The following EPB41L5 variants were observed in gnomAD, a reference collection of about 807,000 sequenced individuals.
The protein encoded by EPB41L5 is erythrocyte membrane protein band 4.1 like 5.
Under a neutral mutation model 106.6 loss-of-function variants are expected in EPB41L5, and 55 were observed. The ratio of observed to expected loss-of-function variants is 0.52; its 90% confidence interval spans 0.42 to 0.65. EPB41L5 has a LOEUF of 0.65. Among genes scored for constraint, EPB41L5 ranks in the 30% least tolerant of loss-of-function variants. The pLI is 0.00. For missense variants in EPB41L5, 871 were observed against 882.1 expected (o/e 0.99, Z 0.16); for synonymous variants, 297 against 306.7 (o/e 0.97, Z 0.33).
chr2:120,155,891 G>T (rs1409853503), intron 20 of EPB41L5, among the ~76,000 whole-genome samples: 1 of 152,088 alleles, frequency 6.6e-6, no homozygotes, highest in Non-Finnish European at 1.5e-5. Flanking sequence ...GACTCCAAGG[G>T]GATGAGTGAA....
chr2:120,061,802 A>G (rs550514608), intron 3 of EPB41L5, among the ~76,000 whole-genome samples: 3 of 152,334 alleles, frequency 2.0e-5, no homozygotes, highest in Admixed American at 2.0e-4. Flanking sequence ...GAATTTTAAG[A>G]TGTCAGTATT....
intron 2 of EPB41L5, among the ~76,000 whole-genome samples, chr2:120,039,178 G>A (rs1281411200): frequency 2.6e-5 from 4 of 152,108 alleles, no homozygotes; most frequent in Non-Finnish European, 5.9e-5. Flanking sequence ...GAAACAAGAG[G>A]ACAAATACTG....
intron 10 of EPB41L5, among the ~76,000 whole-genome samples, chr2:120,081,055 A>G (rs1328879252): frequency 6.6e-6 from 1 of 151,816 alleles, no homozygotes; most frequent in Non-Finnish European, 1.5e-5. Flanking sequence ...CTCATTCTGT[A>G]GGTTGCCTGT....
intron 20 of EPB41L5, among the ~76,000 whole-genome samples, chr2:120,158,843 T>C (rs1022407909): frequency 1.3e-5 from 2 of 152,164 alleles, no homozygotes; most frequent in Non-Finnish European, 1.5e-5. Context: ...GAAAACCCCA[T>C]AGTCTCAGCC....
chr2:120,114,443 T>C (rs552035345), intron 16 of EPB41L5, among the ~76,000 whole-genome samples: 2 of 152,348 alleles, frequency 1.3e-5, no homozygotes, highest in Admixed American at 6.5e-5. Context: ...TTTGTCAAAC[T>C]GCAGGCTAAT....
intron 3 of EPB41L5, among the ~76,000 whole-genome samples, chr2:120,050,690 G>A (rs1249444672): frequency 6.6e-5 from 10 of 152,194 alleles, no homozygotes; most frequent in East Asian, 3.9e-4. Context: ...GCTTTGTTCC[G>A]TTTGTGGCGA....
At chr2:120,016,446 A>G (rs1249217578) in intron 1 of EPB41L5, among the ~76,000 whole-genome samples, 3 of 152,058 alleles carry the variant, frequency 2.0e-5, no homozygotes, top group Admixed American at 6.6e-5. Flanking sequence ...AAAAGAATTA[A>G]AAAAATATTA....
intron 16 of EPB41L5, among the ~76,000 whole-genome samples, chr2:120,126,243 T>TC (rs1470474051): frequency 3.4e-4 from 51 of 152,128 alleles, no homozygotes; most frequent in African/African-American, 8.4e-4. Context: ...TGCAAAAATT[T>TC]CCCCCCCAAT....
chr2:120,024,633 T>C lies in EPB41L5; in HGVS notation c.180+5369T>C, dbSNP rs1320952745. On this transcript the variant is annotated intron_variant, in intron 2 of 24. Coordinates refer to ENST00000263713, the MANE Select transcript of EPB41L5 (RefSeq NM_020909.4). Reference sequence around the variant, plus strand: ...CACCACACCCGGCTAATTCTGTTTTTGTATTTTAGTAGAGATGGGGTTTCA... The same window carrying C: ...CACCACACCCGGCTAATTCTGTTTTCGTATTTTAGTAGAGATGGGGTTTCA... Among the ~76,000 whole-genome samples, 16 of 152,110 alleles carry C rather than the reference T, an allele frequency of 1.1e-4. No homozygotes were observed. The East Asian group carries it at 2.9e-3, about 28-fold the overall frequency.
At chr2:120,067,449 A>G (rs1173670015) in intron 3 of EPB41L5, among the ~76,000 whole-genome samples, 1 of 152,172 alleles carries the variant, frequency 6.6e-6, no homozygotes, top group African/African-American at 2.4e-5. Flanking sequence ...CAGAGAGAAC[A>G]CAGTCACGTA....
At chr2:120,128,838 T>C (rs1006413134) in intron 17 of EPB41L5, among the ~76,000 whole-genome samples, 1 of 152,130 alleles carries the variant, frequency 6.6e-6, no homozygotes, top group Non-Finnish European at 1.5e-5. Flanking sequence ...TAGTCTGTTA[T>C]TAGATTAAGA....
chr2:120,114,739 C>T (rs955835292), intron 16 of EPB41L5, among the ~76,000 whole-genome samples: 31 of 151,906 alleles, frequency 2.0e-4, no homozygotes, highest in East Asian at 1.9e-4. Context: ...GAGAATGTTC[C>T]GTTTGTACTT....
chr2:120,087,019 C>T, intron 10 of EPB41L5, 152 bp from the exon 11 acceptor site: 1 of 538,424 alleles, frequency 1.9e-6, no homozygotes, highest in Non-Finnish European at 3.3e-6. Flanking sequence ...TGTTTCCTGT[C>T]TTTTGATGGG....
Position 120,019,197 on chromosome 2 carries a change from A to T in EPB41L5, c.113A>T (p.Asp38Val). Reference sequence around the variant, plus strand: ...GCCACACATATTCCTGCAGCTGGAGATTCTAAGTCCATCATCACGTGTCGG... The same window carrying T: ...GCCACACATATTCCTGCAGCTGGAGTTTCTAAGTCCATCATCACGTGTCGG... ...RAATHIPAAG[D>V]SKSIITCRVS... is the part of the protein sequence containing the mutation. The change falls in exon 2 of 25, where the codon GAT becomes GTT. Residue 38 changes from aspartate (D) to valine (V), a missense_variant. Transcript: ENST00000263713. 2.5e-6 allele frequency: 4 copies of T among 1,613,720 alleles called. No homozygotes were observed. The highest frequency in any genetic ancestry group is 3.4e-6 in the Non-Finnish European group (4 of 1,179,962).
intron 4 of EPB41L5, among the ~76,000 whole-genome samples, chr2:120,073,855 G>A (rs1357732361): frequency 6.6e-6 from 1 of 152,114 alleles, no homozygotes; most frequent in African/African-American, 2.4e-5. Flanking sequence ...TTTATTTGAT[G>A]CATTTGGCTC....
At chr2:120,024,394 TG>T (rs1678163559) in intron 2 of EPB41L5, among the ~76,000 whole-genome samples, 1 of 152,186 alleles carries the variant, frequency 6.6e-6, no homozygotes, top group Non-Finnish European at 1.5e-5. Flanking sequence ...CATGAAGACT[TG>T]TTGAATTTTA....
intron 18 of EPB41L5, among the ~76,000 whole-genome samples, chr2:120,141,855 T>C (rs911741040): frequency 6.6e-5 from 10 of 152,058 alleles, no homozygotes; most frequent in Admixed American, 3.9e-4. Context: ...GGTCAATGAA[T>C]ATGTTAGAGG....
At chr2:120,043,231 A>G (rs1002218389) in intron 3 of EPB41L5, among the ~76,000 whole-genome samples, 3 of 152,016 alleles carry the variant, frequency 2.0e-5, no homozygotes, top group Non-Finnish European at 2.9e-5. Flanking sequence ...AATTAATACT[A>G]TGCAGCTCAT....
chr2:120,046,498 G>T (rs1679785303), intron 3 of EPB41L5, among the ~76,000 whole-genome samples: 1 of 150,646 alleles, frequency 6.6e-6, no homozygotes, highest in South Asian at 2.1e-4. Flanking sequence ...ACTTTTTGAT[G>T]GGGTTGTTTT....
Sources: gnomAD v4.1 joint callset for allele counts (sites outside exome capture counted in the v4.1 genomes callset) on GRCh38, gnomAD v4.1.1 for gene constraint, MANE v1.5 for transcripts, NCBI Gene and HGNC (gene_info 2026-07-23, HGNC 2026-07-21) for gene names.